Variants in HDAC9 observed in about 807,000 individuals in gnomAD.
The protein encoded by HDAC9 is MEF-2 interacting transcription repressor (MITR) protein.
A neutral mutation model predicts 139.4 loss-of-function variants in HDAC9; 41 were observed. That is an observed-to-expected ratio of 0.29 (90% CI 0.23 to 0.38). HDAC9 has a LOEUF of 0.38. Ranked by LOEUF, HDAC9 falls within the 10% of genes least tolerant of loss-of-function variation. The pLI is 1.00. For missense variants in HDAC9, 1,147 were observed against 1,297.0 expected (o/e 0.88, Z 1.78); for synonymous variants, 517 against 476.2 (o/e 1.09, Z -1.12).
chr7:18,359,577 C>G (rs1028133571), intron 1 of HDAC9, among the ~76,000 whole-genome samples: 4 of 152,138 alleles, frequency 2.6e-5, no homozygotes, highest in Admixed American at 2.0e-4. Context: ...CCAGCACCTG[C>G]TTTGTGTCTC....
intron 22 of HDAC9, among the ~76,000 whole-genome samples, chr7:18,932,880 G>A (rs77063201): frequency 2.0e-5 from 3 of 151,586 alleles, no homozygotes; most frequent in Admixed American, 6.6e-5. Context: ...AAGAAAGAAA[G>A]GATGTCCTGA....
chr7:18,970,505 A>G (rs916793028), intron 24 of HDAC9, among the ~76,000 whole-genome samples: 1 of 152,218 alleles, frequency 6.6e-6, no homozygotes, highest in South Asian at 2.1e-4. Context: ...TTTAGCCTCA[A>G]AATAGCCCCA....
At chr7:18,500,451 G>A (rs1294105558) in intron 2 of HDAC9, among the ~76,000 whole-genome samples, 2 of 152,084 alleles carry the variant, frequency 1.3e-5, no homozygotes, top group Non-Finnish European at 1.5e-5. Flanking sequence ...GAGGCTAACA[G>A]CCAAGGCAAA....
At chr7:18,637,232 G>A (rs1784165084) in intron 8 of HDAC9, among the ~76,000 whole-genome samples, 1 of 151,892 alleles carries the variant, frequency 6.6e-6, no homozygotes, top group Non-Finnish European at 1.5e-5. Flanking sequence ...GGAAGAAGGG[G>A]GAAAACATGA....
At chr7:18,922,416 C>G (rs1027105028) in intron 22 of HDAC9, among the ~76,000 whole-genome samples, 2 of 151,972 alleles carry the variant, frequency 1.3e-5, no homozygotes, top group Admixed American at 6.6e-5. Context: ...TCAAATAACA[C>G]AGCTAGAAGG....
chr7:18,835,547 T>C lies in HDAC9; in HGVS notation c.2547T>C (p.Asp849=). The C allele has an allele frequency of 6.2e-7, 1 of 1,613,836 alleles. No homozygotes were observed. Among genetic ancestry groups the C allele is most frequent in the Non-Finnish European group, 8.5e-7 (1 of 1,179,736 alleles). Residue 849 remains aspartate, a synonymous_variant, in exon 20 of 26, where the codon GAT becomes GAC. Transcript: ENST00000686413. ...SILYISLHRY[D]EGNFFPGSGA... is the part of the protein sequence containing the mutation. ...TGTACATTTCACTCCATCGCTATGA[T>C]GAAGGGAACTTTTTCCCTGGCAGTG...
chr7:18,222,446 T>C (rs1276136129), intron 2 of HDAC9, among the ~76,000 whole-genome samples: 2 of 152,170 alleles, frequency 1.3e-5, no homozygotes, highest in Non-Finnish European at 2.9e-5. Context: ...TATTATGAGC[T>C]TCTTAATCTT....
chr7:18,439,748 A>G (rs1344282952), intron 1 of HDAC9, among the ~76,000 whole-genome samples: 2 of 152,232 alleles, frequency 1.3e-5, no homozygotes, highest in African/African-American at 2.4e-5. Context: ...GAGAAGTATC[A>G]TTTCATAAAA....
At chr7:18,177,944 A>G (rs910552509) in intron 2 of HDAC9, among the ~76,000 whole-genome samples, 13 of 152,058 alleles carry the variant, frequency 8.5e-5, no homozygotes, top group Non-Finnish European at 1.3e-4. Flanking sequence ...AAACTGTTTC[A>G]TATGTGTCAT....
intron 12 of HDAC9, among the ~76,000 whole-genome samples, chr7:18,714,965 A>T (rs1784596086): frequency 6.6e-6 from 1 of 152,228 alleles, no homozygotes; most frequent in Non-Finnish European, 1.5e-5. Flanking sequence ...AGTGTTTTAA[A>T]TTATCAATGC....
At chr7:18,656,908 G>A (rs1025353663) in intron 11 of HDAC9, among the ~76,000 whole-genome samples, 6 of 152,056 alleles carry the variant, frequency 3.9e-5, no homozygotes, top group Admixed American at 1.3e-4. Flanking sequence ...CACCAACAGC[G>A]TACGACGGTT....
intron 1 of HDAC9, among the ~76,000 whole-genome samples, chr7:18,156,486 C>T (rs573514462): frequency 3.3e-5 from 5 of 152,270 alleles, no homozygotes; most frequent in Non-Finnish European, 4.4e-5. Context: ...TACTAACAAA[C>T]TGGATAAGTG....
intron 24 of HDAC9, among the ~76,000 whole-genome samples, chr7:18,956,821 A>G (rs137948002): frequency 1.1e-3 from 161 of 152,280 alleles, no homozygotes; most frequent in African/African-American, 3.8e-3. Context: ...ATTCAGGCCA[A>G]TGAAAATCAG....
At chr7:18,726,381 G>A (rs531594073) in intron 12 of HDAC9, among the ~76,000 whole-genome samples, 4 of 152,174 alleles carry the variant, frequency 2.6e-5, no homozygotes, top group Admixed American at 6.6e-5. Context: ...TTAAGGCAAG[G>A]CCTTAACTAA....
intron 16 of HDAC9, among the ~76,000 whole-genome samples, chr7:18,790,095 T>C (rs927444560): frequency 2.0e-5 from 3 of 152,194 alleles, no homozygotes; most frequent in South Asian, 2.1e-4. Context: ...GAAGTTCTTA[T>C]GAAACTGTAA....
intron 2 of HDAC9, among the ~76,000 whole-genome samples, chr7:18,523,432 G>A (rs1323500567): frequency 2.0e-5 from 3 of 152,124 alleles, no homozygotes; most frequent in African/African-American, 7.2e-5. Context: ...AGAGGTAAAG[G>A]GACAAATTCA....
At chr7:18,298,244 A>C (rs1296234537) in intron 1 of HDAC9, among the ~76,000 whole-genome samples, 1 of 152,040 alleles carries the variant, frequency 6.6e-6, no homozygotes, top group Non-Finnish European at 1.5e-5. Context: ...AACCTTTATA[A>C]ACATAACATT....
chr7:18,658,748 G>GT (rs1398374009), intron 11 of HDAC9, among the ~76,000 whole-genome samples: 2 of 151,900 alleles, frequency 1.3e-5, no homozygotes, highest in African/African-American at 4.8e-5. Context: ...TCTGCATGTT[G>GT]TTTTTTGAGA....
chr7:18,236,799 C>G (rs1387196850), intron 2 of HDAC9, among the ~76,000 whole-genome samples: 3 of 152,218 alleles, frequency 2.0e-5, no homozygotes, highest in Admixed American at 1.3e-4. Context: ...AAAATATGAT[C>G]CACGTGAGTT....
Sources: gnomAD v4.1 joint callset for allele counts (sites outside exome capture counted in the v4.1 genomes callset) on GRCh38, gnomAD v4.1.1 for gene constraint, MANE v1.5 for transcripts, NCBI Gene and HGNC (gene_info 2026-07-23, HGNC 2026-07-21) for gene names.